The following ZFAND2A variants were observed in gnomAD, a reference collection of about 807,000 sequenced individuals.
ZFAND2A encodes AN1-type zinc finger protein 2A.
A neutral mutation model predicts 11.6 loss-of-function variants in ZFAND2A; 20 were observed. The ratio of observed to expected loss-of-function variants is 1.72; its 90% CI spans 1.21 to 2.50. ZFAND2A has a LOEUF of 2.50. ZFAND2A is among the 30% of genes most tolerant of loss of function. The probability of loss-of-function intolerance (pLI) is 0.00; values close to 1 mark genes in which losing one functional copy is unlikely to be tolerated. For synonymous variants in ZFAND2A, 93 were observed against 60.6 expected (o/e 1.54, Z -2.48); for missense variants, 234 against 182.9 (o/e 1.28, Z -1.61).
At chr7:1,151,328 T>C (rs1793393672), downstream of ZFAND2A, among the ~76,000 whole-genome samples, 1 of 152,138 alleles carries the variant, frequency 6.6e-6, no homozygotes, top group East Asian at 1.9e-4. Context: ...GAGTAGCACC[T>C]GTGGCCGCCG....
intron 2 of ZFAND2A, 152 bp downstream of exon 2, chr7:1,158,006 G>A (rs1278678394): frequency 1.3e-5 from 11 of 833,312 alleles, no homozygotes; most frequent in Non-Finnish European, 2.1e-5. Context: ...AGCCTCTGGT[G>A]GATGCTAAGT....
At position 1,158,168 on chromosome 7, in the gene ZFAND2A, G is replaced by A. The variant is rs780470934; in HGVS notation, c.45C>T (p.Cys15=). The change falls in exon 2 of 5, where the codon TGC becomes TGT. Residue 15 remains cysteine, a synonymous_variant. Coordinates refer to ENST00000316495, the MANE Select transcript of ZFAND2A (RefSeq NM_182491.4). ...CTTAAAAGTACTCACCTAGCTGCTTGCAAGTCTTTTCTGAACAATGCTTCC... is the reference window on the plus strand; with the variant it reads ...CTTAAAAGTACTCACCTAGCTGCTTACAAGTCTTTTCTGAACAATGCTTCC... ...DLGKHCSEKT[C]KQLDFLPVKC... is the part of the protein sequence containing the mutation. 117 of 1,613,996 alleles carry A rather than the reference G, an allele frequency of 7.2e-5. No individual in the cohort carries two copies. The highest frequency in any genetic ancestry group is 1.6e-4 in the Middle Eastern group (1 of 6,084).
At chr7:1,149,718 G>A (rs908505394), downstream of ZFAND2A, among the ~76,000 whole-genome samples, 2 of 152,236 alleles carry the variant, frequency 1.3e-5, no homozygotes, top group African/African-American at 2.4e-5. Context: ...GTGCTACTGC[G>A]CTGAATGCTG....
Position 1,155,484 on chromosome 7 carries a change from C to T in ZFAND2A, c.251G>A (p.Cys84Tyr). Reference protein sequence around the residue: ...VVVGDHIDRDCDSHPGKKKEK... With the variant: ...VVVGDHIDRDYDSHPGKKKEK... ...TTTCTTCTTCCCAGGGTGAGAGTCA[C>T]AGTCTCTGTCAATGTGATCACCAAC... The change falls in exon 4 of 5, where the codon TGT becomes TAT. Residue 84 changes from cysteine to tyrosine, a missense_variant. By Grantham distance (194) the Cys-to-Tyr change is radical. Coordinates refer to ENST00000316495, the MANE Select transcript of ZFAND2A (RefSeq NM_182491.4). The T allele has an allele frequency of 4.3e-6, 7 of 1,613,826 alleles. No homozygotes were observed. Among genetic ancestry groups the T allele is most frequent in the Non-Finnish European group, 5.9e-6 (7 of 1,179,866 alleles).
At chr7:1,149,510 G>A (rs116315017), downstream of ZFAND2A, among the ~76,000 whole-genome samples, 10 of 152,326 alleles carry the variant, frequency 6.6e-5, no homozygotes, top group African/African-American at 2.4e-4. Context: ...CTTGGGAACC[G>A]CCGGCCTAGG....
At chr7:1,157,084 A>G (rs891654637) in intron 3 of ZFAND2A, 1 of 147,254 alleles carries the variant, frequency 6.8e-6, no homozygotes, top group African/African-American at 2.5e-5. Flanking sequence ...AGACAAAGTA[A>G]ACACGGGCTG....
downstream of ZFAND2A, among the ~76,000 whole-genome samples, chr7:1,150,427 G>A (rs1384395830): frequency 6.6e-6 from 1 of 152,160 alleles, no homozygotes; most frequent in Non-Finnish European, 1.5e-5. Context: ...CAGAACTTGG[G>A]GGAATTTTGT....
At chr7:1,157,232 T>A (rs1165018688) in intron 3 of ZFAND2A, 1 of 153,762 alleles carries the variant, frequency 6.5e-6, no homozygotes, top group African/African-American at 2.4e-5. Context: ...GTTATTCAAA[T>A]CAATAAGCGT....
chr7:1,155,107 A>G (rs1793490786), intron 4 of ZFAND2A, among the ~76,000 whole-genome samples: 1 of 152,178 alleles, frequency 6.6e-6, no homozygotes, highest in Non-Finnish European at 1.5e-5. Flanking sequence ...CCTGGGTGAC[A>G]GAGCAAGACT....
chr7:1,153,321 C>T (rs1277643903), intron 4 of ZFAND2A, 97 bp from the exon 5 acceptor site: 1 of 1,361,152 alleles, frequency 7.3e-7, no homozygotes, highest in African/African-American at 1.4e-5. Flanking sequence ...GATCTTGGCT[C>T]ACTGCAACCT....
chr7:1,157,796 T>C (rs1450808742), intron 2 of ZFAND2A, 46 bp from the exon 3 acceptor site: 1 of 1,385,882 alleles, frequency 7.2e-7, no homozygotes, highest in Non-Finnish European at 9.8e-7. Context: ...TGGAACAAAA[T>C]ACTTCCAGAT....
chr7:1,155,511 A>G lies in ZFAND2A; in HGVS notation c.224T>C (p.Val75Ala), dbSNP rs1793502812. ...GTCTCTGTCAATGTGATCACCAACC[A>G]CCACGTCTGGTATCTGGCCCTTTTT... is the stretch of plus-strand genomic sequence containing the variant. ...PVKKGQIPDVVVGDHIDRDCD... is the reference protein window; with the variant it reads ...PVKKGQIPDVAVGDHIDRDCD... The change falls in exon 4 of 5, where the codon GTG becomes GCG. Residue 75 changes from valine (V) to alanine (A), a missense_variant. Physicochemically the swap from Val to Ala is moderately conservative, Grantham distance 64. Coordinates refer to ENST00000316495, the MANE Select transcript of ZFAND2A (RefSeq NM_182491.4). 1 of 1,613,814 alleles carries G rather than the reference A, an allele frequency of 6.2e-7. No individual in the cohort carries two copies. The highest frequency in any genetic ancestry group is 1.3e-5 in the African/African-American group (1 of 74,880).
rs201399100 is a variant in ZFAND2A, at chr7:1,158,209, C to T, written c.4G>A (p.Glu2Lys). Residue 2 changes from glutamate to lysine, a missense_variant, in exon 2 of 5, where the codon GAG becomes AAG. By Grantham distance (56) the Glu-to-Lys change is moderately conservative. Coordinates refer to ENST00000316495, the MANE Select transcript of ZFAND2A (RefSeq NM_182491.4). The stretch of plus-strand genomic sequence containing the variant: ...CAATGCTTCCCCAAATCAGGAAACT[C>T]CATTATGAGAACAGTGCTCAAAACG... M[E>K]FPDLGKHCSE... 3.7e-6 allele frequency: 6 copies of T among 1,614,058 alleles called. No homozygotes were observed. Among genetic ancestry groups the T allele is most frequent in the Non-Finnish European group, 5.1e-6 (6 of 1,179,978 alleles).
chr7:1,153,211 C>T lies in ZFAND2A; in HGVS notation c.296G>A (p.Arg99His), dbSNP rs369990998. The T allele has an allele frequency of 1.0e-4, 163 of 1,612,894 alleles. No individual in the cohort carries two copies. The highest frequency in any genetic ancestry group is 4.0e-5 in the African/African-American group (3 of 74,874). ...CTTCTTGCAGCCCTCTTTTGAGCAACGGTATGTAAAAATCTAAGAGAGCAA... is the reference window on the plus strand; with the variant it reads ...CTTCTTGCAGCCCTCTTTTGAGCAATGGTATGTAAAAATCTAAGAGAGCAA... ...GKKKEKIFTY[R>H]CSKEGCKKKE... Residue 99 changes from arginine to histidine, a missense_variant, in exon 5 of 5, where the codon CGT (arginine) becomes CAT (histidine). Physicochemically the swap from Arg to His is conservative, Grantham distance 29. Transcript: ENST00000316495.
downstream of ZFAND2A, among the ~76,000 whole-genome samples, chr7:1,151,864 G>A (rs1224864616): frequency 6.6e-6 from 1 of 151,808 alleles, no homozygotes; most frequent in Non-Finnish European, 1.5e-5. Context: ...AGTACCTGAA[G>A]GCGGAAGTTA....
rs532993997 is a variant in ZFAND2A at position 1,153,240 on chromosome 7, G to A, written c.283-16C>T. 4.4e-6 allele frequency: 7 copies of A among 1,606,314 alleles called. No homozygotes were observed. In the Admixed American group the frequency reaches 5.0e-5, roughly 12 times the overall value. On this transcript the variant is annotated splice_polypyrimidine_tract_variant and intron_variant, in intron 4 of 4. Transcript: ENST00000316495. ...ATGTAAAAATCTAAGAGAGCAAAGT[G>A]ACTTCAACAAGCAATTCTTTTTTTG...
chr7:1,154,156 T>G (rs1352683384), intron 4 of ZFAND2A, among the ~76,000 whole-genome samples: 1 of 150,410 alleles, frequency 6.6e-6, no homozygotes, highest in Non-Finnish European at 1.5e-5. Context: ...CAAGGGAATA[T>G]CTATCATGTC....
rs534299573 is a variant in ZFAND2A at position 1,160,061 on chromosome 7, G to C, written c.-143C>G. 2.0e-5 allele frequency: 3 copies of C among 153,460 alleles called. 1 individual carries two copies. The South Asian group carries it at 5.5e-4, about 28-fold the overall frequency. The allele number at this position is 153,460 out of a possible 1,614,324, so 9.5% of individuals were successfully genotyped here. A position where few individuals can be genotyped will look rare whatever the true frequency, so the allele number is the denominator to read the frequency against. On this transcript the variant is annotated 5_prime_UTR_variant, in exon 1 of 5. Transcript: ENST00000316495. ...TCCGTAGTCGGCTCCGGGTAGCTAA[G>C]CAGAAAGAACCTCGACACTGGCACC...
At chr7:1,155,638 A>C (rs903344198) in intron 3 of ZFAND2A, 54 bp from the exon 4 acceptor site, 4 of 1,593,782 alleles carry the variant, frequency 2.5e-6, no homozygotes, top group Admixed American at 1.7e-5. Context: ...TTAAACTCAC[A>C]GAAGTTTTAA....
Sources: gnomAD v4.1 joint callset for allele counts (sites outside exome capture counted in the v4.1 genomes callset) on GRCh38, gnomAD v4.1.1 for gene constraint, MANE v1.5 for transcripts, NCBI Gene and HGNC (gene_info 2026-07-23, HGNC 2026-07-21) for gene names.